The following PTPRN2 variants were observed in gnomAD, a reference collection of about 807,000 sequenced individuals.
PTPRN2 encodes the protein protein tyrosine phosphatase receptor type N2.
PTPRN2 carries 74 observed loss-of-function variants against 118.8 expected under a neutral mutation model. The observed-to-expected ratio is 0.62, with a 90% CI of 0.52 to 0.76. PTPRN2 has a LOEUF of 0.76. Ranked by LOEUF, PTPRN2 falls within the 30% of genes least tolerant of loss-of-function variation. The pLI, the probability that PTPRN2 is intolerant of heterozygous loss-of-function variation, is 0.00. For missense variants in PTPRN2, 1,481 were observed against 1,394.4 expected (o/e 1.06, Z -0.99); for synonymous variants, 641 against 608.0 (o/e 1.05, Z -0.80).
chr7:158,522,449 C>T lies in PTPRN2; in HGVS notation c.113-32664G>A, dbSNP rs1824268029. ...GGAAGGTCCACATCGGAATGGTAGA[C>T]TGTTTAGGAGAAAGGTCCACGTCAG... On this transcript the variant is annotated intron_variant, in intron 1 of 22. Transcript: ENST00000389418. 1.3e-5 allele frequency among the ~76,000 whole-genome samples: 2 copies of T among 151,204 alleles called. 1 individual carries two copies. Among genetic ancestry groups the T allele is most frequent in the South Asian group, 4.2e-4 (2 of 4,756 alleles).
In PTPRN2 at chr7:158,316,854, C is replaced by T. The variant is rs145815332; in HGVS notation, c.242G>A (p.Arg81His). The T allele has an allele frequency of 4.7e-5, 76 of 1,610,124 alleles. No homozygotes were observed. The highest frequency in any genetic ancestry group is 1.8e-4 in the South Asian group (16 of 91,034). Residue 81 changes from arginine to histidine, a missense_variant, in exon 3 of 23, where the codon CGC becomes CAC. Transcript: ENST00000389418. ...AAGCTTCTGCAACGCCACGCGCAGG[C>T]GCTGCAGGGCCACGGGCGACACCTC... is the stretch of plus-strand genomic sequence containing the variant. ...RYEVSPVALQ[R>H]LRVALQKLSG...
intron 11 of PTPRN2, among the ~76,000 whole-genome samples, chr7:157,967,540 G>A (rs1802037020): frequency 6.6e-6 from 1 of 152,164 alleles, no homozygotes; most frequent in African/African-American, 2.4e-5. Flanking sequence ...TAAAGCAATG[G>A]AGGAGTGGGT....
intron 11 of PTPRN2, among the ~76,000 whole-genome samples, chr7:157,993,788 G>A (rs531806452): frequency 3.9e-4 from 60 of 152,124 alleles, no homozygotes; most frequent in Admixed American, 5.2e-4. Context: ...TTGACCCTAC[G>A]GGGGTTGAAG....
intron 3 of PTPRN2, among the ~76,000 whole-genome samples, chr7:158,278,165 G>C (rs1799159941): frequency 6.6e-6 from 1 of 152,168 alleles, no homozygotes; most frequent in Non-Finnish European, 1.5e-5. Flanking sequence ...AACATTCCTA[G>C]AGCCAGAAGG....
chr7:158,413,754 G>A (rs894235872), intron 2 of PTPRN2, among the ~76,000 whole-genome samples: 6 of 152,228 alleles, frequency 3.9e-5, no homozygotes, highest in Non-Finnish European at 8.8e-5. Flanking sequence ...TGCGGGTGCT[G>A]GGGAGCCTGT....
intron 12 of PTPRN2, among the ~76,000 whole-genome samples, chr7:157,726,297 C>T (rs370027749): frequency 8.6e-5 from 11 of 127,856 alleles, no homozygotes; most frequent in African/African-American, 2.4e-4. Context: ...TGAGCCAGAC[C>T]CTCGCCTCCC....
At chr7:158,396,802 C>G (rs902168643) in intron 2 of PTPRN2, among the ~76,000 whole-genome samples, 8 of 152,226 alleles carry the variant, frequency 5.3e-5, no homozygotes, top group African/African-American at 1.7e-4. Flanking sequence ...CCTGTTTTGC[C>G]ACAACAGCTG....
In PTPRN2 at chr7:157,808,027, G is replaced by A. The variant is rs866433294; in HGVS notation, c.1788+90646C>T. Reference sequence around the variant, plus strand: ...GCAGAGCTGAGGTCCAACTCCAAGTGTGTTTGCCCCCAAACTCACACTCTG... The same window carrying A: ...GCAGAGCTGAGGTCCAACTCCAAGTATGTTTGCCCCCAAACTCACACTCTG... On this transcript the variant is annotated intron_variant, in intron 12 of 22. Coordinates refer to ENST00000389418, the MANE Select transcript of PTPRN2 (RefSeq NM_002847.5). This position sits in a 1 kb window ranked among gnomAD's most constrained non-coding sequence, Gnocchi z 5.0. Among the ~76,000 whole-genome samples, 7 of 152,228 alleles carry A rather than the reference G, an allele frequency of 4.6e-5. No homozygotes were observed. The South Asian group carries it at 8.3e-4, about 18-fold the overall frequency.
At chr7:158,460,848 C>T (rs912108542) in intron 2 of PTPRN2, among the ~76,000 whole-genome samples, 4 of 152,220 alleles carry the variant, frequency 2.6e-5, no homozygotes, top group Non-Finnish European at 4.4e-5. Flanking sequence ...TAGAAATATA[C>T]AAGAACAGAT....
chr7:158,065,020 A>G (rs1169841194), intron 11 of PTPRN2, among the ~76,000 whole-genome samples: 1 of 152,268 alleles, frequency 6.6e-6, no homozygotes, highest in Non-Finnish European at 1.5e-5. Flanking sequence ...GAAGAAAGGC[A>G]GAAAGATGGT....
intron 1 of PTPRN2, among the ~76,000 whole-genome samples, chr7:158,558,656 AAG>A (rs1827196629): frequency 2.0e-5 from 3 of 151,992 alleles, no homozygotes; most frequent in African/African-American, 7.3e-5. Context: ...TGAGCAGGGA[AAG>A]AGTCTCCATA....
chr7:157,553,944 C>T (rs536521630), intron 21 of PTPRN2, among the ~76,000 whole-genome samples: 33 of 152,026 alleles, frequency 2.2e-4, no homozygotes, highest in African/African-American at 6.8e-4. Flanking sequence ...CGCTCTGGTG[C>T]CCTCCTGAGC....
At position 157,590,805 on chromosome 7, in the gene PTPRN2, T is replaced by A. The variant is rs992232429; in HGVS notation, c.2496+4433A>T. On this transcript the variant is annotated intron_variant, in intron 17 of 22. Transcript: ENST00000389418. The surrounding 1 kb of genome is among the most constrained non-coding windows in gnomAD (Gnocchi z 4.0). ...CCCATGGGCCCCTGTACAGCATTTC[T>A]TGCTGAGGAACTTGGGGCCCTCCTG... 2.0e-5 allele frequency among the ~76,000 whole-genome samples: 3 copies of A among 152,194 alleles called. No individual in the cohort carries two copies. The highest frequency in any genetic ancestry group is 7.2e-5 in the African/African-American group (3 of 41,448).
intron 10 of PTPRN2, among the ~76,000 whole-genome samples, chr7:158,090,773 A>G (rs1814051759): frequency 6.6e-6 from 1 of 152,204 alleles, no homozygotes; most frequent in South Asian, 2.1e-4. Flanking sequence ...CTATTTGGAA[A>G]TCTCTTTTTC....
At chr7:158,073,584 A>T (rs983188005) in intron 11 of PTPRN2, among the ~76,000 whole-genome samples, 1 of 151,982 alleles carries the variant, frequency 6.6e-6, no homozygotes, top group African/African-American at 2.4e-5. Flanking sequence ...GCGGAGATGA[A>T]GCCGCTTCCT....
rs1563034269 is a variant in PTPRN2, at chr7:158,247,975, AG to A, written c.278-42703del. 2.0e-5 allele frequency among the ~76,000 whole-genome samples: 3 copies of A among 152,176 alleles called. No individual in the cohort carries two copies. In the East Asian group the frequency reaches 5.8e-4, roughly 29 times the overall value. Reference sequence around the variant, plus strand: ...ACCCCAGCCTGGAGAGAGGAGCGGGAGGGGGAGGCCTTTATCCCCCCATTAT... The same window carrying A: ...ACCCCAGCCTGGAGAGAGGAGCGGGAGGGGAGGCCTTTATCCCCCCATTAT... On this transcript the variant is annotated intron_variant, in intron 3 of 22. Coordinates refer to ENST00000389418, the MANE Select transcript of PTPRN2 (RefSeq NM_002847.5).
At position 157,751,114 on chromosome 7, in the gene PTPRN2, G is replaced by A. The variant is rs928142130; in HGVS notation, c.1789-68177C>T. 1.7e-4 allele frequency among the ~76,000 whole-genome samples: 26 copies of A among 152,320 alleles called. No individual in the cohort carries two copies. The South Asian group carries it at 2.1e-3, about 12-fold the overall frequency. On this transcript the variant is annotated intron_variant, in intron 12 of 22. Transcript: ENST00000389418. ...GAGCTGTGGGGCCGAGGAGGCTCCC[G>A]ACGCCCAGTAGTAGGCTGGGGGGAC...
chr7:157,802,269 C>T (rs1328937387), intron 12 of PTPRN2, among the ~76,000 whole-genome samples: 2 of 152,254 alleles, frequency 1.3e-5, no homozygotes, highest in Admixed American at 6.5e-5. Flanking sequence ...CGGCAGCCTC[C>T]ATCCTCCTCT....
At chr7:157,547,867 C>T (rs773463195) in intron 22 of PTPRN2, among the ~76,000 whole-genome samples, 14 of 151,502 alleles carry the variant, frequency 9.2e-5, no homozygotes, top group South Asian at 2.1e-4. Context: ...AGCCGTGAAG[C>T]GTCCCGGACA....
Sources: gnomAD v4.1 joint callset for allele counts (sites outside exome capture counted in the v4.1 genomes callset) on GRCh38, gnomAD v4.1.1 for gene constraint, Gnocchi (gnomAD v3.1) non-coding constraint, MANE v1.5 for transcripts, NCBI Gene and HGNC (gene_info 2026-07-23, HGNC 2026-07-21) for gene names.